RIC1: variants seen among roughly 807,000 people sequenced by gnomAD.
RIC1 encodes the protein RIC1 partner of RAB6A GEF complex.
In RIC1, 88 loss-of-function variants were observed where a neutral mutation model predicts 169.0. The observed-to-expected ratio is 0.52, with a 90% CI of 0.44 to 0.62. The LOEUF (loss-of-function observed/expected upper bound fraction) is 0.62, where lower values mean the gene tolerates loss of function less well. Ranked by LOEUF, RIC1 falls within the 20% of genes least tolerant of loss-of-function variation. The probability of loss-of-function intolerance (pLI) is 0.00; values close to 1 mark genes in which losing one functional copy is unlikely to be tolerated. For synonymous variants in RIC1, 790 were observed against 601.5 expected, an observed-to-expected ratio of 1.31 and a Z score of -4.59; for missense variants, 1,877 against 1,725.5, an observed-to-expected ratio of 1.09 and a Z score of -1.56.
intron 2 of RIC1, among the ~76,000 whole-genome samples, chr9:5,677,653 A>G (rs768185105): frequency 5.3e-5 from 8 of 151,924 alleles, no homozygotes; most frequent in Non-Finnish European, 1.2e-4. Flanking sequence ...TGCTTTTGCT[A>G]TTGTAGGCCT....
rs534997302 is a variant in RIC1, at chr9:5,738,373, A to G, written c.813-77A>G. The G allele has an allele frequency of 2.0e-5, 20 of 982,780 alleles. No individual in the cohort carries two copies. The East Asian group carries it at 4.6e-4, about 23-fold the overall frequency. The allele number at this position is 982,780 out of a possible 1,614,324, so 60.9% of individuals were successfully genotyped here. A position where few individuals can be genotyped will look rare whatever the true frequency, so the allele number is the denominator to read the frequency against. On this transcript the variant is annotated intron_variant, in intron 7 of 25. Coordinates refer to ENST00000414202, the MANE Select transcript of RIC1 (RefSeq NM_020829.4). The stretch of plus-strand genomic sequence containing the variant: ...TCTAGTTTACACTCCCACCAGCAAA[A>G]CATAAGAGTTCTATAATGCTTTTTC...
chr9:5,638,546 T>C (rs1019484156), intron 1 of RIC1, among the ~76,000 whole-genome samples: 4 of 152,244 alleles, frequency 2.6e-5, no homozygotes, highest in Non-Finnish European at 5.9e-5. Context: ...GTTTTGAATT[T>C]CTTCATGATT....
chr9:5,768,111 C>G lies in RIC1; in HGVS notation c.3138-859C>G, dbSNP rs530117209. 3.3e-5 allele frequency among the ~76,000 whole-genome samples: 5 copies of G among 152,316 alleles called. No homozygotes were observed. The East Asian group carries it at 9.6e-4, about 29-fold the overall frequency. Reference sequence around the variant, plus strand: ...TGCACCAGAGACTAGGCTCTTTACCCCACCACTAAACTGCCTCTCACTTAA... The same window carrying G: ...TGCACCAGAGACTAGGCTCTTTACCGCACCACTAAACTGCCTCTCACTTAA... On this transcript the variant is annotated intron_variant, in intron 21 of 25. Coordinates refer to ENST00000414202, the MANE Select transcript of RIC1 (RefSeq NM_020829.4).
intron 2 of RIC1, among the ~76,000 whole-genome samples, chr9:5,684,037 G>T (rs147266168): frequency 6.6e-6 from 1 of 152,092 alleles, no homozygotes; most frequent in African/African-American, 2.4e-5. Context: ...TCCTGGTGCC[G>T]TCTGTCACCC....
Position 5,770,237 on chromosome 9 carries a change from C to T in RIC1, c.3575C>T (p.Pro1192Leu). Reference sequence around the variant, plus strand: ...ATAGACACAGCTTCATCCCATGGACCACAAATGCAAGATGCCTTCTTGTCA... The same window carrying T: ...ATAGACACAGCTTCATCCCATGGACTACAAATGCAAGATGCCTTCTTGTCA... ...HEIDTASSHGPQMQDAFLSPL... is the reference protein window; with the variant it reads ...HEIDTASSHGLQMQDAFLSPL... The change falls in exon 23 of 26, where the codon CCA (proline) becomes CTA (leucine). Residue 1192 changes from proline to leucine, a missense_variant. Physicochemically the swap from Pro to Leu is moderately conservative, Grantham distance 98. Around this residue, in one of 3 missense-constraint regions of RIC1, gnomAD observed 681 missense variants for 582.0 expected, o/e 1.17. Transcript: ENST00000414202. 1 of 1,613,742 alleles carries T rather than the reference C, an allele frequency of 6.2e-7. No homozygotes were observed. The highest frequency in any genetic ancestry group is 8.5e-7 in the Non-Finnish European group (1 of 1,179,806).
chr9:5,690,050 G>C lies in RIC1; in HGVS notation c.332+12G>C. On this transcript the variant is annotated intron_variant, in intron 3 of 25. Coordinates refer to ENST00000414202, the MANE Select transcript of RIC1 (RefSeq NM_020829.4). ...CCAGTGTATCCCAAGTAAGTTTGTT[G>C]CCTTTCATTCTTTTAATATGTGATT... 1 of 1,548,774 alleles carries C rather than the reference G, an allele frequency of 6.5e-7. No homozygotes were observed.
chr9:5,739,985 T>G (rs914926608), intron 8 of RIC1, among the ~76,000 whole-genome samples: 2 of 152,164 alleles, frequency 1.3e-5, no homozygotes, highest in African/African-American at 2.4e-5. Context: ...CAATTTTAGC[T>G]CTTTCTCTAT....
intron 6 of RIC1, among the ~76,000 whole-genome samples, chr9:5,728,986 C>G (rs988137952): frequency 2.0e-5 from 3 of 152,082 alleles, no homozygotes; most frequent in Non-Finnish European, 2.9e-5. Flanking sequence ...GTCCTCCTAC[C>G]TTTAGAGCCA....
At chr9:5,705,535 G>T (rs1482099081) in intron 3 of RIC1, among the ~76,000 whole-genome samples, 1 of 152,070 alleles carries the variant, frequency 6.6e-6, no homozygotes, top group Non-Finnish European at 1.5e-5. Context: ...CTCTTCTGTG[G>T]ATTCTTTAGA....
intron 7 of RIC1, among the ~76,000 whole-genome samples, chr9:5,734,745 A>C (rs1824594305): frequency 6.6e-6 from 1 of 152,182 alleles, no homozygotes; most frequent in Non-Finnish European, 1.5e-5. Context: ...GTAACTGGTC[A>C]ACATTGTGAG....
chr9:5,632,276 A>T (rs530098799), intron 1 of RIC1, among the ~76,000 whole-genome samples: 3 of 152,226 alleles, frequency 2.0e-5, no homozygotes, highest in African/African-American at 7.2e-5. Context: ...GGTTGTTTCA[A>T]TGTTCAAAAG....
intron 1 of RIC1, among the ~76,000 whole-genome samples, chr9:5,648,919 C>T (rs1818663263): frequency 6.6e-6 from 1 of 152,146 alleles, no homozygotes; most frequent in East Asian, 1.9e-4. Context: ...TTGTCAGATG[C>T]ATAGTTTGCA....
chr9:5,773,076 G>T lies in RIC1; in HGVS notation c.3979G>T (p.Asp1327Tyr), dbSNP rs1563729552. Residue 1327 changes from aspartate to tyrosine, a missense_variant, in exon 25 of 26, where the codon GAC becomes TAC. Around this residue, in one of 3 missense-constraint regions of RIC1, gnomAD observed 681 missense variants for 582.0 expected, o/e 1.17. Transcript: ENST00000414202. ...LHAVDRWAST[D>Y]CPGYKPFLNI... ...TGCAGTGGACCGATGGGCCTCTACA[G>T]ACTGGTAAGTGCTGCTTTCCTTAGG... 7.5e-6 allele frequency: 12 copies of T among 1,599,006 alleles called. No homozygotes were observed. The highest frequency in any genetic ancestry group is 1.0e-5 in the Non-Finnish European group (12 of 1,172,850).
intron 3 of RIC1, among the ~76,000 whole-genome samples, chr9:5,708,380 A>G (rs1822727393): frequency 1.3e-5 from 2 of 151,854 alleles, no homozygotes; most frequent in South Asian, 4.1e-4. Context: ...AGTGTTCTTT[A>G]TTTTCTTACA....
Position 5,640,769 on chromosome 9 carries a change from G to C in RIC1, c.144+11316G>C, listed in dbSNP as rs1409527933. ...TGAACAACTCCCTTTAGCATTTCTTGAGGGCAGATCCAGTGTTGATGAACT... is the reference window on the plus strand; with the variant it reads ...TGAACAACTCCCTTTAGCATTTCTTCAGGGCAGATCCAGTGTTGATGAACT... On this transcript the variant is annotated intron_variant, in intron 1 of 25. Coordinates refer to ENST00000414202, the MANE Select transcript of RIC1 (RefSeq NM_020829.4). 5.3e-5 allele frequency among the ~76,000 whole-genome samples: 8 copies of C among 152,132 alleles called. No homozygotes were observed. In the East Asian group the frequency reaches 1.5e-3, roughly 29 times the overall value.
At chr9:5,704,728 A>G (rs1312706391) in intron 3 of RIC1, among the ~76,000 whole-genome samples, 3 of 152,112 alleles carry the variant, frequency 2.0e-5, no homozygotes, top group African/African-American at 7.2e-5. Context: ...TTTTATATCT[A>G]GAAAACAATT....
At chr9:5,692,916 C>G (rs554400140) in intron 3 of RIC1, among the ~76,000 whole-genome samples, 105 of 152,180 alleles carry the variant, frequency 6.9e-4, no homozygotes, top group African/African-American at 2.5e-3. Flanking sequence ...AACTGTTTTA[C>G]AAACTGCTGC....
chr9:5,704,090 A>G (rs930172654), intron 3 of RIC1, among the ~76,000 whole-genome samples: 1 of 151,900 alleles, frequency 6.6e-6, no homozygotes, highest in African/African-American at 2.4e-5. Flanking sequence ...GTGAAATAGT[A>G]TCTCATTATG....
chr9:5,700,266 A>T (rs556447696), intron 3 of RIC1, among the ~76,000 whole-genome samples: 3 of 152,238 alleles, frequency 2.0e-5, no homozygotes, highest in Admixed American at 6.5e-5. Context: ...AATAGATAGA[A>T]ATTTAGAACA....
Sources: gnomAD v4.1 joint callset for allele counts (sites outside exome capture counted in the v4.1 genomes callset) on GRCh38, gnomAD v4.1.1 for gene constraint, gnomAD v4.1.1 regional missense constraint, MANE v1.5 for transcripts, NCBI Gene and HGNC (gene_info 2026-07-23, HGNC 2026-07-21) for gene names.